The following CACNA1E variants were observed in gnomAD, a reference collection of about 807,000 sequenced individuals.
CACNA1E encodes voltage-dependent R-type calcium channel subunit alpha-1E.
CACNA1E carries 40 observed loss-of-function variants against 259.2 expected under a neutral mutation model. The ratio of observed to expected loss-of-function variants is 0.15; its 90% CI spans 0.12 to 0.20. The LOEUF (loss-of-function observed/expected upper bound fraction) is 0.20, where lower values mean the gene tolerates loss of function less well. Among genes scored for constraint, CACNA1E ranks in the 10% least tolerant of loss-of-function variants. The pLI is 1.00. For missense variants in CACNA1E, 1,874 were observed against 3,040.1 expected, an observed-to-expected ratio of 0.62 and a Z score of 9.02; for synonymous variants, 1,104 against 1,138.5, an observed-to-expected ratio of 0.97 and a Z score of 0.61.
At chr1:181,458,582 C>T (rs1661604690) in intron 2 of CACNA1E, among the ~76,000 whole-genome samples, 1 of 152,178 alleles carries the variant, frequency 6.6e-6, no homozygotes, top group African/African-American at 2.4e-5. Flanking sequence ...TGTGAAAAGC[C>T]ACTTCCAAGA....
intron 7 of CACNA1E, among the ~76,000 whole-genome samples, chr1:181,688,049 A>G (rs1650762647): frequency 6.6e-6 from 1 of 152,178 alleles, no homozygotes; most frequent in Non-Finnish European, 1.5e-5. Flanking sequence ...GAATATATAT[A>G]TATTACATAT....
At chr1:181,725,253 A>G (rs1466971968) in intron 17 of CACNA1E, among the ~76,000 whole-genome samples, 1 of 152,228 alleles carries the variant, frequency 6.6e-6, no homozygotes, top group African/African-American at 2.4e-5. Flanking sequence ...GGGTCTTCTT[A>G]TCTGCATATA....
At chr1:181,486,395 A>G (rs1663821702) in intron 1 of CACNA1E, among the ~76,000 whole-genome samples, 1 of 152,230 alleles carries the variant, frequency 6.6e-6, no homozygotes. Flanking sequence ...GTACAATGTA[A>G]TTGACTAATA....
chr1:181,794,255 G>A (rs956141552), intron 45 of CACNA1E, among the ~76,000 whole-genome samples: 1 of 152,158 alleles, frequency 6.6e-6, no homozygotes, highest in Admixed American at 6.5e-5. Flanking sequence ...ATCAGGTTTT[G>A]ACAGAGACAA....
intron 10 of CACNA1E, among the ~76,000 whole-genome samples, chr1:181,716,491 C>G (rs1007467835): frequency 6.6e-6 from 1 of 152,158 alleles, no homozygotes; most frequent in African/African-American, 2.4e-5. Flanking sequence ...CTGTTGCTTC[C>G]AGGGACACGG....
intron 7 of CACNA1E, among the ~76,000 whole-genome samples, chr1:181,653,060 C>T (rs542686215): frequency 6.6e-6 from 1 of 152,192 alleles, no homozygotes; most frequent in African/African-American, 2.4e-5. Flanking sequence ...AAACAGGTTC[C>T]TACCTCATCA....
At chr1:181,688,572 A>G (rs1374182583) in intron 7 of CACNA1E, among the ~76,000 whole-genome samples, 3 of 152,216 alleles carry the variant, frequency 2.0e-5, no homozygotes, top group East Asian at 3.9e-4. Context: ...GTACAAAGTG[A>G]TGTTTTGATA....
intron 1 of CACNA1E, among the ~76,000 whole-genome samples, chr1:181,356,881 T>C (rs1653485546): frequency 6.6e-6 from 1 of 152,174 alleles, no homozygotes; most frequent in African/African-American, 2.4e-5. Context: ...GAGTATTCTT[T>C]GGCTCCAGTG....
At chr1:181,752,389 G>T (rs574559805) in intron 27 of CACNA1E, 150 bp downstream of exon 27, 5 of 639,682 alleles carry the variant, frequency 7.8e-6, no homozygotes, top group Middle Eastern at 3.7e-4. Context: ...TGAGCTAAAG[G>T]TCTTAGTTTC....
intron 2 of CACNA1E, among the ~76,000 whole-genome samples, chr1:181,425,539 C>G (rs575302924): frequency 1.2e-4 from 16 of 130,200 alleles, no homozygotes; most frequent in South Asian, 1.2e-3. Flanking sequence ...GCTCCCCCCC[C>G]CGACCCCAAG....
At chr1:181,631,594 C>T (rs4098547) in intron 6 of CACNA1E, among the ~76,000 whole-genome samples, 29,145 of 151,884 alleles carry the variant, frequency 0.19, 3,139 homozygotes, top group South Asian at 0.35. Context: ...AAGGAGAGGG[C>T]GTTGTTGCAG....
chr1:181,476,442 T>C (rs914840173), intron 2 of CACNA1E, among the ~76,000 whole-genome samples: 5 of 152,318 alleles, frequency 3.3e-5, no homozygotes, highest in Admixed American at 1.3e-4. Flanking sequence ...TGGAATCTTA[T>C]TCTCTTTCTC....
chr1:181,638,833 TGAA>T, intron 6 of CACNA1E, among the ~76,000 whole-genome samples: 1 of 152,328 alleles, frequency 6.6e-6, no homozygotes, highest in Middle Eastern at 3.4e-3. Context: ...TCCCTCCTTG[TGAA>T]GAAGGTGCCT....
In CACNA1E at chr1:181,659,592, A is replaced by G. The variant is rs188345746; in HGVS notation, c.1055+8151A>G. ...GGCTTCTGGACAGGGAAAGGTAAATATGGGGAAGCAGTTGAGCTGTCTCAA... is the reference window on the plus strand; with the variant it reads ...GGCTTCTGGACAGGGAAAGGTAAATGTGGGGAAGCAGTTGAGCTGTCTCAA... On this transcript the variant is annotated intron_variant, in intron 7 of 47. Coordinates refer to ENST00000367573, the MANE Select transcript of CACNA1E (RefSeq NM_001205293.3). Among the ~76,000 whole-genome samples the G allele has an allele frequency of 1.3e-3, 194 of 152,290 alleles. 1 individual carries two copies. The highest frequency in any genetic ancestry group is 4.4e-3 in the African/African-American group (185 of 41,574).
Position 181,724,548 on chromosome 1 carries a change from T to C in CACNA1E, c.2142+11T>C, listed in dbSNP as rs957383185. 9.3e-6 allele frequency: 15 copies of C among 1,606,858 alleles called. No individual in the cohort carries two copies. Among genetic ancestry groups the C allele is most frequent in the Non-Finnish European group, 1.3e-5 (15 of 1,175,550 alleles). ...CAGGAACTGACCAAGGTAAGCATTG[T>C]TTTCTGGGGATCTGATGTTTCTCTA... On this transcript the variant is annotated intron_variant, in intron 17 of 47. Transcript: ENST00000367573.
At chr1:181,795,135 A>G in intron 46 of CACNA1E, 91 bp downstream of exon 46, 1 of 1,076,984 alleles carries the variant, frequency 9.3e-7, no homozygotes, top group Non-Finnish European at 1.3e-6. Context: ...ATAACCAGAA[A>G]AGAATTCAGA....
At chr1:181,468,948 A>G (rs983282678) in intron 2 of CACNA1E, among the ~76,000 whole-genome samples, 2 of 152,192 alleles carry the variant, frequency 1.3e-5, no homozygotes. Flanking sequence ...ATGACATTTA[A>G]GTTTTCTTTC....
intron 6 of CACNA1E, among the ~76,000 whole-genome samples, chr1:181,592,286 A>G (rs1049985434): frequency 5.3e-5 from 8 of 152,124 alleles, no homozygotes; most frequent in African/African-American, 1.7e-4. Flanking sequence ...ATGGCTAAGT[A>G]TTCGGTAAAT....
intron 7 of CACNA1E, among the ~76,000 whole-genome samples, chr1:181,652,299 A>C (rs1185619376): frequency 6.6e-6 from 1 of 152,234 alleles, no homozygotes; most frequent in Admixed American, 6.5e-5. Flanking sequence ...TTTTCTAAGC[A>C]AAACTGAACT....
Sources: allele counts gnomAD v4.1 joint callset (sites outside exome capture counted in the v4.1 genomes callset), GRCh38; gene constraint gnomAD v4.1.1; transcripts MANE v1.5; gene names NCBI Gene and HGNC (gene_info 2026-07-23, HGNC 2026-07-21).